Variants in LRP1B observed in about 807,000 individuals in gnomAD.
LRP1B encodes the protein LDL receptor related protein 1B, also known as low-density lipoprotein receptor-related protein 1B.
LRP1B carries 217 observed loss-of-function variants against 556.6 expected under a neutral mutation model. The observed-to-expected ratio is 0.39, with a 90% CI of 0.35 to 0.44. The LOEUF (loss-of-function observed/expected upper bound fraction) is 0.44, where lower values mean the gene tolerates loss of function less well. LRP1B is among the 20% of genes least tolerant of loss of function. The pLI, the probability that LRP1B is intolerant of heterozygous loss-of-function variation, is 1.00. For synonymous variants in LRP1B, 2,047 were observed against 1,865.8 expected (o/e 1.10, Z -2.50); for missense variants, 5,053 against 5,620.8 (o/e 0.90, Z 3.23).
intron 3 of LRP1B, among the ~76,000 whole-genome samples, chr2:141,395,987 C>G (rs947361467): frequency 1.3e-5 from 2 of 152,102 alleles, no homozygotes; most frequent in African/African-American, 4.8e-5. Context: ...TCCAGGTGAC[C>G]TCTATGGCAC....
intron 7 of LRP1B, among the ~76,000 whole-genome samples, chr2:141,138,457 G>A (rs1194460207): frequency 6.6e-6 from 1 of 151,868 alleles, no homozygotes; most frequent in Non-Finnish European, 1.5e-5. Context: ...AGACAACCAT[G>A]TTTAGAAAAG....
chr2:140,283,874 G>T (rs1683018117), intron 84 of LRP1B, among the ~76,000 whole-genome samples: 2 of 151,736 alleles, frequency 1.3e-5, no homozygotes. Context: ...AGCTATAAAA[G>T]ATTTTAGCAA....
intron 3 of LRP1B, among the ~76,000 whole-genome samples, chr2:141,362,933 C>T (rs1001233637): frequency 2.0e-5 from 3 of 151,914 alleles, no homozygotes; most frequent in Non-Finnish European, 4.4e-5. Flanking sequence ...AATATTAGTG[C>T]TTTATTAGAT....
chr2:141,278,640 C>T (rs1004581105), intron 3 of LRP1B, among the ~76,000 whole-genome samples: 1 of 152,008 alleles, frequency 6.6e-6, no homozygotes, highest in African/African-American at 2.4e-5. Context: ...TTTTATTTCA[C>T]CTAGGGAATA....
chr2:140,483,275 C>T (rs1355646359), intron 59 of LRP1B, among the ~76,000 whole-genome samples: 1 of 151,962 alleles, frequency 6.6e-6, no homozygotes, highest in African/African-American at 2.4e-5. Flanking sequence ...TTTTAATTGA[C>T]ACTTTTAATG....
intron 2 of LRP1B, among the ~76,000 whole-genome samples, chr2:141,708,522 T>C (rs1438986410): frequency 1.3e-5 from 2 of 152,118 alleles, no homozygotes; most frequent in Non-Finnish European, 2.9e-5. Flanking sequence ...TTAATACAAA[T>C]AATAAAAGAT....
At chr2:141,842,540 C>CA (rs1476730506) in intron 1 of LRP1B, among the ~76,000 whole-genome samples, 1 of 151,966 alleles carries the variant, frequency 6.6e-6, no homozygotes, top group Non-Finnish European at 1.5e-5. Context: ...ATGTATTATA[C>CA]AAAAAATGAT....
chr2:141,318,937 G>T (rs1211663850), intron 3 of LRP1B, among the ~76,000 whole-genome samples: 1 of 151,978 alleles, frequency 6.6e-6, no homozygotes, highest in Non-Finnish European at 1.5e-5. Flanking sequence ...AATCCCGAGA[G>T]AACAGCTTTT....
chr2:142,066,584 C>A (rs1344094802), intron 1 of LRP1B, among the ~76,000 whole-genome samples: 1 of 151,472 alleles, frequency 6.6e-6, no homozygotes, highest in Non-Finnish European at 1.5e-5. Flanking sequence ...CTTACAAGGA[C>A]TTAGGTATTC....
chr2:140,515,731 C>T (rs922813640), intron 50 of LRP1B, among the ~76,000 whole-genome samples: 3 of 151,984 alleles, frequency 2.0e-5, no homozygotes, highest in Non-Finnish European at 2.9e-5. Context: ...TATGAATCCA[C>T]ATACAATATT....
chr2:141,774,644 G>A (rs1695001414), intron 2 of LRP1B, among the ~76,000 whole-genome samples: 1 of 152,154 alleles, frequency 6.6e-6, no homozygotes, highest in African/African-American at 2.4e-5. Context: ...TGGATAACTG[G>A]AAAGTACTCA....
At chr2:141,627,445 T>C (rs1308842556) in intron 2 of LRP1B, among the ~76,000 whole-genome samples, 3 of 152,210 alleles carry the variant, frequency 2.0e-5, no homozygotes, top group Non-Finnish European at 4.4e-5. Context: ...AGTACTCCTC[T>C]GTGGCCTGTT....
At chr2:140,825,950 G>A (rs977946891) in intron 31 of LRP1B, among the ~76,000 whole-genome samples, 8 of 152,186 alleles carry the variant, frequency 5.3e-5, no homozygotes, top group Non-Finnish European at 1.0e-4. Context: ...TTGCTGATGT[G>A]ATAACTATCT....
At position 140,233,117 on chromosome 2, in the gene LRP1B, A is replaced by C. The variant is rs940516254; in HGVS notation, c.*69T>G. 7.3e-5 allele frequency: 73 copies of C among 1,001,732 alleles called. No individual in the cohort carries two copies. In the African/African-American group the frequency reaches 1.0e-3, roughly 14 times the overall value. 62.1% of individuals were successfully genotyped at this position (1,001,732 alleles called of 1,614,324 possible). On this transcript the variant is annotated 3_prime_UTR_variant, in exon 91 of 91. Coordinates refer to ENST00000389484, the MANE Select transcript of LRP1B (RefSeq NM_018557.3). ...ATGCTGATGCCAAAACAAGTATAAT[A>C]CTGTTGGAACATACAAAAGTAATCC...
chr2:140,848,761 A>G (rs1290659311), intron 29 of LRP1B, among the ~76,000 whole-genome samples: 1 of 152,202 alleles, frequency 6.6e-6, no homozygotes, highest in Non-Finnish European at 1.5e-5. Context: ...CAATAAAGAC[A>G]CATTCAATAA....
chr2:141,472,997 T>C (rs1486329952), intron 3 of LRP1B, among the ~76,000 whole-genome samples: 1 of 151,846 alleles, frequency 6.6e-6, no homozygotes, highest in East Asian at 1.9e-4. Context: ...AGCTACAACG[T>C]AGGGTCAAAT....
intron 7 of LRP1B, among the ~76,000 whole-genome samples, chr2:141,079,489 C>G (rs888477507): frequency 6.6e-6 from 1 of 152,170 alleles, no homozygotes; most frequent in Non-Finnish European, 1.5e-5. Flanking sequence ...TACAAAATTG[C>G]TAACTGAAAG....
At chr2:141,314,875 C>CATACATAT (rs1185351669) in intron 3 of LRP1B, among the ~76,000 whole-genome samples, 32 of 126,030 alleles carry the variant, frequency 2.5e-4, no homozygotes, top group African/African-American at 7.9e-4. Flanking sequence ...TACATATATA[C>CATACATAT]ATACATATAT....
At chr2:140,336,980 T>G (rs1681135546) in intron 77 of LRP1B, among the ~76,000 whole-genome samples, 1 of 151,884 alleles carries the variant, frequency 6.6e-6, no homozygotes, top group African/African-American at 2.4e-5. Flanking sequence ...AACAGCATCT[T>G]TAAGACCTGA....
Sources: allele counts gnomAD v4.1 joint callset (sites outside exome capture counted in the v4.1 genomes callset), GRCh38; gene constraint gnomAD v4.1.1; transcripts MANE v1.5; gene names NCBI Gene and HGNC (gene_info 2026-07-23, HGNC 2026-07-21).